SLIT2: variants seen among roughly 807,000 people sequenced by gnomAD.
SLIT2 encodes the protein slit homolog 2 protein.
Under a neutral mutation model 185.7 loss-of-function variants are expected in SLIT2, and 41 were observed. That is an observed-to-expected ratio of 0.22 (90% CI 0.17 to 0.29). SLIT2 has a LOEUF of 0.29. SLIT2 is among the 10% of genes least tolerant of loss of function. The probability of loss-of-function intolerance (pLI) is 1.00; values close to 1 mark genes in which losing one functional copy is unlikely to be tolerated. For synonymous variants in SLIT2, 693 were observed against 680.2 expected (o/e 1.02, Z -0.29); for missense variants, 1,571 against 1,909.0 (o/e 0.82, Z 3.30).
intron 36 of SLIT2, among the ~76,000 whole-genome samples, chr4:20,618,059 T>A (rs1405858038): frequency 1.3e-5 from 2 of 152,234 alleles, no homozygotes; most frequent in African/African-American, 4.8e-5. Flanking sequence ...ATGGTCCTCT[T>A]AATTCTGCTC....
At chr4:20,517,468 T>A (rs1024751850) in intron 11 of SLIT2, among the ~76,000 whole-genome samples, 1 of 147,434 alleles carries the variant, frequency 6.8e-6, no homozygotes, top group African/African-American at 2.7e-5. Flanking sequence ...CCTCAAAATA[T>A]ATATTTATTC....
intron 4 of SLIT2, among the ~76,000 whole-genome samples, chr4:20,277,502 T>C (rs1714285554): frequency 6.6e-6 from 1 of 151,718 alleles, no homozygotes. Context: ...CATTATACAT[T>C]TTCTAGGGTA....
chr4:20,377,995 T>C (rs1191312365), intron 4 of SLIT2, among the ~76,000 whole-genome samples: 1 of 152,132 alleles, frequency 6.6e-6, no homozygotes, highest in South Asian at 2.1e-4. Context: ...AATAATGTGG[T>C]GAAGAGATTT....
In SLIT2 at chr4:20,595,816, T is replaced by A. The variant is rs892281170; in HGVS notation, c.3302T>A (p.Ile1101Lys). ...GATGCAGTGAACGGCTATACGTGCA[T>A]ATGCCCCGAAGGTTACAGGTAAAAG... The part of the protein sequence containing the change: ...CTDAVNGYTC[I>K]CPEGYSGLFC... The change falls in exon 31 of 37, where the codon ATA becomes AAA. Residue 1101 changes from isoleucine to lysine, a missense_variant. Transcript: ENST00000504154. The A allele has an allele frequency of 6.2e-7, 1 of 1,613,966 alleles. No homozygotes were observed. Among genetic ancestry groups the A allele is most frequent in the Non-Finnish European group, 8.5e-7 (1 of 1,179,886 alleles).
intron 4 of SLIT2, among the ~76,000 whole-genome samples, chr4:20,437,477 T>A (rs1405861874): frequency 6.6e-6 from 1 of 152,018 alleles, no homozygotes; most frequent in East Asian, 1.9e-4. Context: ...TATCTGTGTG[T>A]CGATGTGTGC....
At chr4:20,365,716 G>A (rs550697395) in intron 4 of SLIT2, among the ~76,000 whole-genome samples, 1 of 152,226 alleles carries the variant, frequency 6.6e-6, no homozygotes, top group East Asian at 1.9e-4. Flanking sequence ...AACTGTGCCT[G>A]CCACACTGCT....
intron 2 of SLIT2, 127 bp from the exon 3 acceptor site, chr4:20,257,741 G>A: frequency 1.5e-6 from 1 of 663,212 alleles, no homozygotes; most frequent in Non-Finnish European, 2.7e-6. Flanking sequence ...TTTGATATTG[G>A]ATCTCAAATC....
intron 29 of SLIT2, among the ~76,000 whole-genome samples, chr4:20,569,484 T>C (rs1305425680): frequency 2.0e-5 from 3 of 152,096 alleles, no homozygotes; most frequent in African/African-American, 7.2e-5. Flanking sequence ...TTGAGCACTT[T>C]GGATAGTCTT....
chr4:20,620,259 A>G lies in SLIT2; in HGVS notation c.*1250A>G. On this transcript the variant is annotated 3_prime_UTR_variant, in exon 37 of 37. Transcript: ENST00000504154. ...GTGGGGATAAAAAGACTGTCATATC[A>G]AGAACTGTGACTTTTCTTTCCCTCA... The G allele has an allele frequency of 2.9e-6, 1 of 343,478 alleles. No individual in the cohort carries two copies. The highest frequency in any genetic ancestry group is 2.4e-5 in the South Asian group (1 of 42,098). The allele number at this position is 343,478 out of a possible 1,614,324, so 21.3% of individuals were successfully genotyped here.
intron 33 of SLIT2, among the ~76,000 whole-genome samples, chr4:20,599,196 A>T (rs73252502): frequency 6.6e-6 from 1 of 152,360 alleles, no homozygotes; most frequent in Non-Finnish European, 1.5e-5. Flanking sequence ...CTAATGATTA[A>T]TGATATTAAT....
At chr4:20,406,970 T>A (rs558115142) in intron 4 of SLIT2, among the ~76,000 whole-genome samples, 1 of 152,250 alleles carries the variant, frequency 6.6e-6, no homozygotes, top group African/African-American at 2.4e-5. Context: ...GATTATCATA[T>A]AACAATAAAC....
chr4:20,305,605 G>T (rs1717466016), intron 4 of SLIT2, among the ~76,000 whole-genome samples: 1 of 152,028 alleles, frequency 6.6e-6, no homozygotes, highest in Non-Finnish European at 1.5e-5. Flanking sequence ...GGGCATGGTG[G>T]CTCATGCCTA....
At chr4:20,611,262 C>T (rs1274087672) in intron 34 of SLIT2, among the ~76,000 whole-genome samples, 2 of 152,170 alleles carry the variant, frequency 1.3e-5, no homozygotes, top group Non-Finnish European at 2.9e-5. Context: ...TTTTCAGTGC[C>T]TCTAAGCCTA....
intron 4 of SLIT2, among the ~76,000 whole-genome samples, chr4:20,357,702 A>G (rs891832355): frequency 6.6e-6 from 1 of 152,154 alleles, no homozygotes; most frequent in African/African-American, 2.4e-5. Flanking sequence ...TGAAAGACAT[A>G]CTATTATCAG....
chr4:20,345,813 C>T (rs1205486270), intron 4 of SLIT2, among the ~76,000 whole-genome samples: 7 of 151,974 alleles, frequency 4.6e-5, no homozygotes, highest in African/African-American at 1.7e-4. Context: ...GGATTACAGG[C>T]GTGAGCACCC....
chr4:20,397,760 A>C (rs769600135), intron 4 of SLIT2, among the ~76,000 whole-genome samples: 1 of 151,828 alleles, frequency 6.6e-6, no homozygotes, highest in South Asian at 2.1e-4. Context: ...ATAGAACAGT[A>C]AGTGCAGAGA....
chr4:20,360,363 C>G (rs972700390), intron 4 of SLIT2, among the ~76,000 whole-genome samples: 1 of 152,148 alleles, frequency 6.6e-6, no homozygotes. Flanking sequence ...CCCCTAGGAA[C>G]TTCTAAATGG....
chr4:20,455,315 A>G (rs917396349), intron 4 of SLIT2, among the ~76,000 whole-genome samples: 3 of 152,168 alleles, frequency 2.0e-5, no homozygotes, highest in Non-Finnish European at 4.4e-5. Flanking sequence ...GAGGTGAACC[A>G]GAACAGACAA....
Position 20,529,607 on chromosome 4 carries a change from A to G in SLIT2, c.1613+508A>G, listed in dbSNP as rs1370372921. 2.6e-5 allele frequency among the ~76,000 whole-genome samples: 4 copies of G among 152,212 alleles called. 1 individual carries two copies. Among genetic ancestry groups the G allele is most frequent in the Non-Finnish European group, 5.9e-5 (4 of 68,040 alleles). ...GTAGAAAGGATAGCTTTTTCTGAAC[A>G]ATGCAAGAAAAGCTGAAAAGGCAGA... On this transcript the variant is annotated intron_variant, in intron 16 of 36. Coordinates refer to ENST00000504154, the MANE Select transcript of SLIT2 (RefSeq NM_004787.4).
Sources: gnomAD v4.1 joint callset for allele counts (sites outside exome capture counted in the v4.1 genomes callset) on GRCh38, gnomAD v4.1.1 for gene constraint, MANE v1.5 for transcripts, NCBI Gene and HGNC (gene_info 2026-07-23, HGNC 2026-07-21) for gene names.